Variants in TBC1D32 observed in about 807,000 individuals in gnomAD.
The protein encoded by TBC1D32 is protein broad-minded.
TBC1D32 carries 151 observed loss-of-function variants against 170.3 expected under a neutral mutation model. The ratio of observed to expected loss-of-function variants is 0.89; its 90% CI spans 0.78 to 1.01. The LOEUF (loss-of-function observed/expected upper bound fraction) is 1.01. Among genes scored for constraint, TBC1D32 ranks in the 50% least tolerant of loss-of-function variants. The probability of loss-of-function intolerance (pLI) is 0.00; values close to 1 mark genes in which losing one functional copy is unlikely to be tolerated. For missense variants in TBC1D32, 1,464 were observed against 1,457.1 expected (o/e 1.00, Z -0.08); for synonymous variants, 498 against 488.0 (o/e 1.02, Z -0.27).
chr6:121,148,567 T>C (rs2128232160), intron 24 of TBC1D32, among the ~76,000 whole-genome samples: 1 of 152,268 alleles, frequency 6.6e-6, no homozygotes, highest in African/African-American at 2.4e-5. Flanking sequence ...CCACACCATC[T>C]TCCACAACGG....
intron 20 of TBC1D32, among the ~76,000 whole-genome samples, chr6:121,224,686 CTTT>C (rs1281061857): frequency 2.0e-5 from 3 of 152,088 alleles, no homozygotes; most frequent in Non-Finnish European, 4.4e-5. Context: ...CTACATCCTT[CTTT>C]GAGGACCTAT....
chr6:121,263,507 CA>C (rs772599331), intron 15 of TBC1D32, among the ~76,000 whole-genome samples: 1 of 152,076 alleles, frequency 6.6e-6, no homozygotes, highest in Non-Finnish European at 1.5e-5. Context: ...TTTAATACCC[CA>C]CTGACAATAT....
intron 15 of TBC1D32, among the ~76,000 whole-genome samples, chr6:121,267,127 T>TAA (rs10695424): frequency 0.082 from 10,382 of 126,050 alleles, 624 homozygotes; most frequent in African/African-American, 0.17. Context: ...TGTGCTCTTC[T>TAA]AAAAAAAAAA....
intron 15 of TBC1D32, among the ~76,000 whole-genome samples, chr6:121,266,884 G>A (rs1345444904): frequency 2.0e-5 from 3 of 151,886 alleles, no homozygotes; most frequent in African/African-American, 7.3e-5. Context: ...ACACAGAGAG[G>A]AGAACAACAC....
chr6:121,190,045 ATTTC>A (rs1219942816), intron 22 of TBC1D32, among the ~76,000 whole-genome samples: 2 of 143,100 alleles, frequency 1.4e-5, no homozygotes, highest in Non-Finnish European at 1.5e-5. Flanking sequence ...ACACTATATA[ATTTC>A]TTTCTTTCTC....
rs1809099838 is a variant in TBC1D32, at chr6:121,317,535, CG to C, written c.454del (p.Arg152AlafsTer12). The C allele has an allele frequency of 1.2e-6, 2 of 1,612,008 alleles. No individual in the cohort carries two copies. Among genetic ancestry groups the C allele is most frequent in the Non-Finnish European group, 1.7e-6 (2 of 1,178,982 alleles). ...ATCACTATCAGAGCAATTGTCTGTG[CG>C]GTAACTATGGCTTTTCTCCTTTTGG... is the stretch of plus-strand genomic sequence containing the variant. ...KIQKEKSHSY[R>X]TDNCSDSDSS... On this transcript the variant is annotated frameshift_variant, in exon 3 of 32. Transcript: ENST00000398212. LOFTEE classifies it high-confidence loss of function.
intron 22 of TBC1D32, among the ~76,000 whole-genome samples, chr6:121,181,280 G>A (rs1413416719): frequency 1.3e-5 from 2 of 152,020 alleles, no homozygotes; most frequent in African/African-American, 2.4e-5. Context: ...CATTTTTGGA[G>A]GAGAGCCTGG....
rs780298524 is a variant in TBC1D32, at chr6:121,160,048, T to C, written c.2735A>G (p.Tyr912Cys). 1.7e-5 allele frequency: 28 copies of C among 1,609,084 alleles called. No homozygotes were observed. The highest frequency in any genetic ancestry group is 1.7e-4 in the Middle Eastern group (1 of 6,038). Reference sequence around the variant, plus strand: ...AGCATTTCTTGTAATGTCTGACAGATAGCAGTTTGGCAATGGATATGATGA... The same window carrying C: ...AGCATTTCTTGTAATGTCTGACAGACAGCAGTTTGGCAATGGATATGATGA... ...MFSSYPLPNCYLSDITRNAGI... is the reference protein window; with the variant it reads ...MFSSYPLPNCCLSDITRNAGI... Residue 912 changes from tyrosine to cysteine, a missense_variant, in exon 24 of 32, where the codon TAT becomes TGT. By Grantham distance (194) the Tyr-to-Cys change is radical (BLOSUM62 -2). Around this residue, in one of 3 missense-constraint regions of TBC1D32, gnomAD observed 1,363 missense variants for 1,338.1 expected, o/e 1.02. Transcript: ENST00000398212.
rs139707488 is a variant in TBC1D32, at chr6:121,288,372, C to T, written c.1372+3681G>A. Reference sequence around the variant, plus strand: ...AACTACCATCAGAGAATACTATAAACACCTCTACACAAATAAACTAGAAAA... The same window carrying T: ...AACTACCATCAGAGAATACTATAAATACCTCTACACAAATAAACTAGAAAA... On this transcript the variant is annotated intron_variant, in intron 12 of 31. Coordinates refer to ENST00000398212, the MANE Select transcript of TBC1D32 (RefSeq NM_152730.6). Among the ~76,000 whole-genome samples, 325 of 152,274 alleles carry T rather than the reference C, an allele frequency of 2.1e-3. 5 individuals carry two copies. In the East Asian group the frequency reaches 0.047, roughly 22 times the overall value.
At chr6:121,288,345 C>A (rs1193084407) in intron 12 of TBC1D32, among the ~76,000 whole-genome samples, 12 of 152,134 alleles carry the variant, frequency 7.9e-5, no homozygotes, top group Non-Finnish European at 1.8e-4. Context: ...CACAGAAATA[C>A]AAACTACCAT....
chr6:121,222,139 G>A (rs1361223215), intron 21 of TBC1D32, among the ~76,000 whole-genome samples: 1 of 151,976 alleles, frequency 6.6e-6, no homozygotes, highest in African/African-American at 2.4e-5. Context: ...TGAAGGCTCA[G>A]ATGTTCATTA....
chr6:121,157,471 C>T (rs544711105), intron 24 of TBC1D32, among the ~76,000 whole-genome samples: 1 of 152,234 alleles, frequency 6.6e-6, no homozygotes, highest in South Asian at 2.1e-4. Context: ...CCACTCTATG[C>T]TTTTTAAGTG....
chr6:121,280,795 G>A (rs1802882331), intron 14 of TBC1D32, among the ~76,000 whole-genome samples: 2 of 151,778 alleles, frequency 1.3e-5, no homozygotes, highest in Admixed American at 6.6e-5. Flanking sequence ...AAAAGCATGT[G>A]ACAGCCCATT....
chr6:121,188,917 TA>T (rs1789565973), intron 22 of TBC1D32, among the ~76,000 whole-genome samples: 2 of 152,212 alleles, frequency 1.3e-5, no homozygotes, highest in South Asian at 4.1e-4. Flanking sequence ...TCTGGACCTT[TA>T]TTTGGCCTTT....
At chr6:121,321,945 ATTTTTGGC>A (rs1368327863) in intron 1 of TBC1D32, 151 bp from the exon 2 acceptor site, 1 of 822,216 alleles carries the variant, frequency 1.2e-6, no homozygotes, top group Non-Finnish European at 1.7e-6. Flanking sequence ...TAATCTACTA[ATTTTTGGC>A]TTTTTTTTTT....
intron 20 of TBC1D32, among the ~76,000 whole-genome samples, chr6:121,233,229 T>C (rs1304093485): frequency 6.6e-6 from 1 of 152,114 alleles, no homozygotes; most frequent in Non-Finnish European, 1.5e-5. Context: ...AGTCCATTTG[T>C]TCTACGGTAT....
intron 21 of TBC1D32, among the ~76,000 whole-genome samples, chr6:121,222,683 C>CAT (rs10684658): frequency 0.11 from 16,138 of 152,132 alleles, 1,187 homozygotes; most frequent in Admixed American, 0.23. Flanking sequence ...TGCATATACA[C>CAT]GTTTCTATGT....
chr6:121,131,353 G>A (rs1781417915), intron 25 of TBC1D32, among the ~76,000 whole-genome samples: 1 of 150,216 alleles, frequency 6.7e-6, no homozygotes, highest in Non-Finnish European at 1.5e-5. Flanking sequence ...GGTAAAAACT[G>A]AATATGAAAA....
intron 29 of TBC1D32, among the ~76,000 whole-genome samples, chr6:121,109,585 C>T (rs1263985424): frequency 6.6e-6 from 1 of 151,984 alleles, no homozygotes; most frequent in Non-Finnish European, 1.5e-5. Flanking sequence ...AACAACTGGC[C>T]AAACTCTGAT....
Sources: gnomAD v4.1 joint callset for allele counts (sites outside exome capture counted in the v4.1 genomes callset) on GRCh38, gnomAD v4.1.1 for gene constraint, gnomAD v4.1.1 regional missense constraint, MANE v1.5 for transcripts, NCBI Gene and HGNC (gene_info 2026-07-23, HGNC 2026-07-21) for gene names.